Variants in PDIA5 observed in about 807,000 individuals in gnomAD.
PDIA5 encodes protein disulfide-isomerase A5.
A neutral mutation model predicts 77.6 loss-of-function variants in PDIA5; 58 were observed. The ratio of observed to expected loss-of-function variants is 0.75; its 90% CI spans 0.61 to 0.93. The LOEUF is 0.93. Among genes scored for constraint, PDIA5 ranks in the 40% least tolerant of loss-of-function variants. The pLI, the probability that PDIA5 is intolerant of heterozygous loss-of-function variation, is 0.00. For missense variants in PDIA5, 630 were observed against 647.7 expected (o/e 0.97, Z 0.30); for synonymous variants, 250 against 252.1 (o/e 0.99, Z 0.08).
At chr3:123,090,405 C>T (rs558581727) in intron 2 of PDIA5, among the ~76,000 whole-genome samples, 1 of 152,210 alleles carries the variant, frequency 6.6e-6, no homozygotes, top group Non-Finnish European at 1.5e-5. Context: ...GTGATAGACA[C>T]GCTCCATTCC....
At position 123,084,168 on chromosome 3, in the gene PDIA5, C is replaced by T. The variant is rs1272264871; in HGVS notation, c.43-5000C>T. Among the ~76,000 whole-genome samples, 6 of 152,156 alleles carry T rather than the reference C, an allele frequency of 3.9e-5. No homozygotes were observed. The South Asian group carries it at 1.2e-3, about 32-fold the overall frequency. On this transcript the variant is annotated intron_variant, in intron 1 of 16. Transcript: ENST00000316218. ...ATCCTGCTTCTCCTGTGCCCACTAA[C>T]GCCCGCACGCCCCCATCTTCATGGG...
chr3:123,147,858 C>T (rs78113741), intron 13 of PDIA5, among the ~76,000 whole-genome samples: 1,830 of 152,198 alleles, frequency 0.012, 37 homozygotes, highest in African/African-American at 0.041. Flanking sequence ...CTGGGTGGGG[C>T]GGGGGATCTG....
chr3:123,071,022 GA>G (rs1371426119), intron 1 of PDIA5, among the ~76,000 whole-genome samples: 4 of 152,118 alleles, frequency 2.6e-5, no homozygotes, highest in Non-Finnish European at 4.4e-5. Context: ...TTTTGAGGGG[GA>G]GGGGGTTACA....
intron 3 of PDIA5, among the ~76,000 whole-genome samples, chr3:123,098,337 G>A (rs564590449): frequency 7.3e-4 from 110 of 150,026 alleles, no homozygotes; most frequent in Non-Finnish European, 1.1e-3. Flanking sequence ...CTCCGACCCC[G>A]CCGTCTCCCA....
At position 123,093,137 on chromosome 3, in the gene PDIA5, G is replaced by A. The variant is rs149839667; in HGVS notation, c.257+695G>A. 1.8e-4 allele frequency among the ~76,000 whole-genome samples: 28 copies of A among 152,264 alleles called. 1 individual carries two copies. The East Asian group carries it at 5.4e-3, about 29-fold the overall frequency. ...TTTTTGGGACATAACTGATTTATAA[G>A]TTGATGACCTCAAGTTTGTTCTGCC... On this transcript the variant is annotated intron_variant, in intron 3 of 16. Transcript: ENST00000316218.
chr3:123,097,161 T>C (rs1576440965), intron 3 of PDIA5, among the ~76,000 whole-genome samples: 1 of 152,204 alleles, frequency 6.6e-6, no homozygotes, highest in African/African-American at 2.4e-5. Context: ...CTAAAAACTA[T>C]TTGAATTTAG....
At chr3:123,068,287 G>A (rs1475177463) in intron 1 of PDIA5, among the ~76,000 whole-genome samples, 1 of 152,150 alleles carries the variant, frequency 6.6e-6, no homozygotes, top group East Asian at 1.9e-4. Flanking sequence ...AGAAAAGTGT[G>A]GGTTGAGTTG....
intron 14 of PDIA5, among the ~76,000 whole-genome samples, chr3:123,151,807 T>TCCTGCCTG (rs1159882690): frequency 2.1e-3 from 252 of 119,136 alleles, no homozygotes; most frequent in South Asian, 5.8e-3. Context: ...CTGCCTGCCT[T>TCCTGCCTG]CCTGCCTGCC....
chr3:123,128,011 C>G (rs1316788433), intron 10 of PDIA5, among the ~76,000 whole-genome samples: 1 of 152,156 alleles, frequency 6.6e-6, no homozygotes, highest in African/African-American at 2.4e-5. Context: ...TGGGTTCAGA[C>G]TCTCACTCAG....
chr3:123,103,671 C>T (rs1934659206), intron 5 of PDIA5, among the ~76,000 whole-genome samples: 1 of 152,156 alleles, frequency 6.6e-6, no homozygotes. Flanking sequence ...GTCATTCTTG[C>T]TTATCCACTA....
intron 1 of PDIA5, among the ~76,000 whole-genome samples, chr3:123,071,331 C>T (rs890053913): frequency 3.3e-5 from 5 of 152,094 alleles, no homozygotes; most frequent in African/African-American, 4.8e-5. Context: ...ATCCATCTCC[C>T]GCCTGCTTCT....
intron 8 of PDIA5, among the ~76,000 whole-genome samples, chr3:123,122,849 G>T (rs1413984300): frequency 1.3e-5 from 2 of 152,180 alleles, no homozygotes; most frequent in Non-Finnish European, 2.9e-5. Flanking sequence ...AGCTTCCTGG[G>T]TTTCTTCTCT....
chr3:123,127,768 G>A (rs1935276730), intron 10 of PDIA5, among the ~76,000 whole-genome samples: 1 of 152,172 alleles, frequency 6.6e-6, no homozygotes, highest in African/African-American at 2.4e-5. Flanking sequence ...TAGCCACTGT[G>A]CTCTCTTATG....
chr3:123,150,339 C>A lies in PDIA5; in HGVS notation c.1248C>A (p.His416Gln). Reference sequence around the variant, plus strand: ...GGGAGACCCTGAAGAAGAAGAAACACACCTTGGTCATGTTCTACGCCCCTT... The same window carrying A: ...GGGAGACCCTGAAGAAGAAGAAACAAACCTTGGTCATGTTCTACGCCCCTT... Reference protein sequence around the residue: ...NFRETLKKKKHTLVMFYAPWC... With the variant: ...NFRETLKKKKQTLVMFYAPWC... Residue 416 changes from histidine (H) to glutamine (Q), a missense_variant, in exon 14 of 17, where the codon CAC becomes CAA. Physicochemically the swap from His to Gln is conservative, Grantham distance 24. Coordinates refer to ENST00000316218, the MANE Select transcript of PDIA5 (RefSeq NM_006810.4). 6.2e-7 allele frequency: 1 copy of A among 1,613,956 alleles called. No individual in the cohort carries two copies. Among genetic ancestry groups the A allele is most frequent in the Non-Finnish European group, 8.5e-7 (1 of 1,179,910 alleles).
In PDIA5 at chr3:123,067,122, G is replaced by A; in HGVS notation, c.-43G>A. Reference sequence around the variant, plus strand: ...AGCAGGCGGGCGGGCGGGAGCGGGCGCCGGAGTGGAGAAAGGAGCCAGCGG... The same window carrying A: ...AGCAGGCGGGCGGGCGGGAGCGGGCACCGGAGTGGAGAAAGGAGCCAGCGG... On this transcript the variant is annotated 5_prime_UTR_variant, in exon 1 of 17. Coordinates refer to ENST00000316218, the MANE Select transcript of PDIA5 (RefSeq NM_006810.4). The A allele has an allele frequency of 8.1e-7, 1 of 1,238,590 alleles. No homozygotes were observed. The highest frequency in any genetic ancestry group is 1.0e-6 in the Non-Finnish European group (1 of 988,404). The allele number at this position is 1,238,590 out of a possible 1,614,324, so 76.7% of individuals were successfully genotyped here.
intron 8 of PDIA5, among the ~76,000 whole-genome samples, chr3:123,123,812 T>C (rs982406007): frequency 2.0e-5 from 3 of 152,236 alleles, no homozygotes; most frequent in African/African-American, 7.2e-5. Context: ...GGGGTGGTTC[T>C]TCCTGCAGGG....
Position 123,089,269 on chromosome 3 carries a change from T to C in PDIA5, c.144T>C (p.Asn48=), listed in dbSNP as rs534588998. The C allele has an allele frequency of 6.2e-7, 1 of 1,614,014 alleles. No individual in the cohort carries two copies. Among genetic ancestry groups the C allele is most frequent in the African/African-American group, 1.3e-5 (1 of 75,036 alleles). ...DLKKLLRTRN[N]VLVLYSKSEV... ...AAAAACTGCTCAGAACCCGGAATAA[T>C]GTACTGGTGCTTTACTCCAAATCTG... The change falls in exon 2 of 17, where the codon AAT becomes AAC. Residue 48 remains asparagine (N), a synonymous_variant. Transcript: ENST00000316218.
chr3:123,102,389 T>A (rs1204708306), intron 3 of PDIA5, 22 bp from the exon 4 acceptor site: 1 of 1,593,640 alleles, frequency 6.3e-7, no homozygotes, highest in African/African-American at 1.3e-5. Flanking sequence ...AATAAATGGT[T>A]CCCAACATTT....
chr3:123,132,628 G>A (rs1286267645), intron 11 of PDIA5, among the ~76,000 whole-genome samples: 1 of 152,230 alleles, frequency 6.6e-6, no homozygotes, highest in Non-Finnish European at 1.5e-5. Flanking sequence ...TGCCCGCCAT[G>A]AGGCCAGCCA....
Sources: allele counts gnomAD v4.1 joint callset (sites outside exome capture counted in the v4.1 genomes callset), GRCh38; gene constraint gnomAD v4.1.1; transcripts MANE v1.5; gene names NCBI Gene and HGNC (gene_info 2026-07-23, HGNC 2026-07-21).